The following CLIC4 variants were observed in gnomAD, a reference collection of about 807,000 sequenced individuals.
CLIC4 encodes the protein chloride intracellular channel protein 4.
CLIC4 carries 13 observed loss-of-function variants against 24.6 expected under a neutral mutation model. The ratio of observed to expected loss-of-function variants is 0.53; its 90% CI spans 0.34 to 0.84. CLIC4 has a LOEUF of 0.84. Ranked by LOEUF, CLIC4 falls within the 40% of genes least tolerant of loss-of-function variation. CLIC4 has a pLI of 0.01. For synonymous variants in CLIC4, 104 were observed against 111.3 expected, an observed-to-expected ratio of 0.93 and a Z score of 0.41; for missense variants, 227 against 301.7, an observed-to-expected ratio of 0.75 and a Z score of 1.83.
In CLIC4 at chr1:24,814,080, A is replaced by G; in HGVS notation, c.183-14A>G. 1 of 1,612,926 alleles carries G rather than the reference A, an allele frequency of 6.2e-7. No homozygotes were observed. Among genetic ancestry groups the G allele is most frequent in the Non-Finnish European group, 8.5e-7 (1 of 1,179,920 alleles). The stretch of plus-strand genomic sequence containing the variant: ...AAAAAATGATCTGATTTTGACCAAT[A>G]TTTTGCCCAACAGGAAGCCAGCAGA... On this transcript the variant is annotated splice_polypyrimidine_tract_variant and intron_variant, in intron 2 of 5. Transcript: ENST00000374379.
At chr1:24,792,721 C>T (rs1040912480) in intron 1 of CLIC4, among the ~76,000 whole-genome samples, 4 of 151,878 alleles carry the variant, frequency 2.6e-5, no homozygotes, top group African/African-American at 9.7e-5. Context: ...GCTTATTAGG[C>T]GTATGAGATG....
intron 3 of CLIC4, among the ~76,000 whole-genome samples, chr1:24,824,995 G>GACACACAC (rs1639772239): frequency 2.8e-5 from 2 of 70,370 alleles, no homozygotes; most frequent in South Asian, 8.4e-4. Context: ...GGGAGACCCT[G>GACACACAC]TCACACACAC....
At chr1:24,838,738 A>G (rs1204905313) in intron 4 of CLIC4, among the ~76,000 whole-genome samples, 1 of 152,164 alleles carries the variant, frequency 6.6e-6, no homozygotes, top group Non-Finnish European at 1.5e-5. Context: ...GTCTGTTGTT[A>G]TTCCATATTT....
At chr1:24,774,446 A>G (rs576270124) in intron 1 of CLIC4, among the ~76,000 whole-genome samples, 2 of 152,208 alleles carry the variant, frequency 1.3e-5, no homozygotes, top group Non-Finnish European at 2.9e-5. Flanking sequence ...TTTGTTGGAA[A>G]TAGAATTTTG....
At position 24,839,368 on chromosome 1, in the gene CLIC4, C is replaced by T. The variant is rs563156467; in HGVS notation, c.416-492C>T. Among the ~76,000 whole-genome samples, 137 of 152,280 alleles carry T rather than the reference C, an allele frequency of 9.0e-4. 1 individual carries two copies. Among genetic ancestry groups the T allele is most frequent in the Non-Finnish European group, 1.7e-3 (118 of 68,020 alleles). ...AGGCTGGAGTGCAGTGGTGCTATCT[C>T]GGCTCACTGCAAGCTCGGCCTCCCG... is the stretch of plus-strand genomic sequence containing the variant. On this transcript the variant is annotated intron_variant, in intron 4 of 5. Transcript: ENST00000374379.
intron 3 of CLIC4, among the ~76,000 whole-genome samples, chr1:24,824,246 C>T (rs1428478287): frequency 2.0e-5 from 3 of 152,092 alleles, no homozygotes; most frequent in Non-Finnish European, 4.4e-5. Context: ...GACCTGGGGA[C>T]AGGAGATTTC....
intron 1 of CLIC4, among the ~76,000 whole-genome samples, chr1:24,759,390 A>G (rs1349367902): frequency 2.6e-5 from 4 of 152,138 alleles, no homozygotes; most frequent in Admixed American, 2.6e-4. Flanking sequence ...ATAACCAAGT[A>G]GACAGTCAGA....
chr1:24,780,010 T>TA (rs766709732), intron 1 of CLIC4, among the ~76,000 whole-genome samples: 36 of 152,206 alleles, frequency 2.4e-4, no homozygotes, highest in Non-Finnish European at 5.0e-4. Flanking sequence ...GGTATCCTGT[T>TA]ACCCTGTTCT....
At chr1:24,781,338 T>G (rs1639203493) in intron 1 of CLIC4, among the ~76,000 whole-genome samples, 1 of 151,162 alleles carries the variant, frequency 6.6e-6, no homozygotes, top group African/African-American at 2.4e-5. Context: ...GAGATGGGGT[T>G]TCACCATATT....
intron 2 of CLIC4, among the ~76,000 whole-genome samples, chr1:24,810,933 T>C (rs1639606660): frequency 6.6e-6 from 1 of 151,228 alleles, no homozygotes; most frequent in South Asian, 2.1e-4. Flanking sequence ...ACATCAAAAA[T>C]TAGCTGGGCT....
At chr1:24,840,258 G>A (rs1181756767) in intron 5 of CLIC4, among the ~76,000 whole-genome samples, 5 of 151,728 alleles carry the variant, frequency 3.3e-5, no homozygotes, top group Non-Finnish European at 7.4e-5. Context: ...TTTTTTCTGT[G>A]ACTGCATACA....
At chr1:24,812,792 C>T (rs905502930) in intron 2 of CLIC4, among the ~76,000 whole-genome samples, 1 of 150,134 alleles carries the variant, frequency 6.7e-6, no homozygotes, top group African/African-American at 2.5e-5. Flanking sequence ...GATCTTGGCT[C>T]ACTGTAACCT....
chr1:24,794,722 T>C (rs1222809620), intron 1 of CLIC4, among the ~76,000 whole-genome samples: 1 of 152,234 alleles, frequency 6.6e-6, no homozygotes, highest in Non-Finnish European at 1.5e-5. Context: ...GTTTGTCAAC[T>C]TTCGTTGCAA....
intron 1 of CLIC4, among the ~76,000 whole-genome samples, chr1:24,759,746 C>G (rs1638896678): frequency 6.6e-6 from 1 of 152,110 alleles, no homozygotes; most frequent in African/African-American, 2.4e-5. Context: ...TCCAGGAGTT[C>G]AAGACCAGCC....
At chr1:24,836,292 T>G (rs1041495103) in intron 4 of CLIC4, among the ~76,000 whole-genome samples, 1 of 152,180 alleles carries the variant, frequency 6.6e-6, no homozygotes, top group Non-Finnish European at 1.5e-5. Context: ...ACCCCCTTAG[T>G]AACTGTTAGA....
intron 1 of CLIC4, among the ~76,000 whole-genome samples, chr1:24,792,172 A>G (rs1428602126): frequency 6.6e-6 from 1 of 150,968 alleles, no homozygotes; most frequent in Non-Finnish European, 1.5e-5. Flanking sequence ...GTATATGTGT[A>G]TGTGTGTGTA....
At chr1:24,798,134 T>C (rs1639425256) in intron 2 of CLIC4, among the ~76,000 whole-genome samples, 2 of 152,208 alleles carry the variant, frequency 1.3e-5, no homozygotes, top group Admixed American at 1.3e-4. Flanking sequence ...AATCCTTGAC[T>C]TCTTTTTTCC....
chr1:24,771,792 C>A, intron 1 of CLIC4: 1 of 501,210 alleles, frequency 2.0e-6, no homozygotes, highest in East Asian at 5.7e-5. Flanking sequence ...TGGTCTAAAC[C>A]TAACAGATTG....
chr1:24,800,275 GCCCGGCCGC>G (rs1639468151), intron 2 of CLIC4, among the ~76,000 whole-genome samples: 1 of 33,658 alleles, frequency 3.0e-5, no homozygotes, highest in South Asian at 1.8e-3. Flanking sequence ...GGGCGCCTCT[GCCCGGCCGC>G]CCCTACTGGG....
Sources: gnomAD v4.1 joint callset for allele counts (sites outside exome capture counted in the v4.1 genomes callset) on GRCh38, gnomAD v4.1.1 for gene constraint, MANE v1.5 for transcripts, NCBI Gene and HGNC (gene_info 2026-07-23, HGNC 2026-07-21) for gene names.